The following TNC variants were observed in gnomAD, a reference collection of about 807,000 sequenced individuals.
The protein encoded by TNC is tenascin C, also known as tenascin.
TNC carries 109 observed loss-of-function variants against 202.4 expected under a neutral mutation model. The observed-to-expected ratio is 0.54, with a 90% CI of 0.46 to 0.63. The LOEUF (loss-of-function observed/expected upper bound fraction) is 0.63. Among genes scored for constraint, TNC ranks in the 30% least tolerant of loss-of-function variants. TNC has a pLI of 0.00. For missense variants in TNC, 2,756 were observed against 2,833.3 expected (o/e 0.97, Z 0.62); for synonymous variants, 1,007 against 1,089.7 (o/e 0.92, Z 1.50).
chr9:115,024,147 C>T lies in TNC; in HGVS notation c.6332-11G>A. The T allele has an allele frequency of 6.2e-7, 1 of 1,609,908 alleles. No homozygotes were observed. The highest frequency in any genetic ancestry group is 8.5e-7 in the Non-Finnish European group (1 of 1,176,604). ...AGGCCATGGAGTCACCTGGGAGAGA[C>T]AGAAAATATGGACCTGAGAAATCTC... On this transcript the variant is annotated splice_polypyrimidine_tract_variant and intron_variant, in intron 26 of 27. Transcript: ENST00000350763.
At chr9:115,107,633 TG>T (rs1836718910) in intron 1 of TNC, among the ~76,000 whole-genome samples, 1 of 152,226 alleles carries the variant, frequency 6.6e-6, no homozygotes, top group Non-Finnish European at 1.5e-5. Context: ...TTTCCATGAC[TG>T]GCTTAAGAGG....
At chr9:115,106,740 T>C (rs1412951939) in intron 1 of TNC, among the ~76,000 whole-genome samples, 2 of 152,124 alleles carry the variant, frequency 1.3e-5, no homozygotes, top group Non-Finnish European at 2.9e-5. Context: ...CTATGTACTA[T>C]CTAAAAAACG....
intron 19 of TNC, among the ~76,000 whole-genome samples, chr9:115,039,949 C>G (rs2131917407): frequency 6.6e-6 from 1 of 152,362 alleles, no homozygotes; most frequent in South Asian, 2.1e-4. Flanking sequence ...TCAACTCTTT[C>G]AGGCTATGAG....
intron 1 of TNC, among the ~76,000 whole-genome samples, chr9:115,100,913 A>C (rs1352779616): frequency 6.6e-6 from 1 of 152,200 alleles, no homozygotes; most frequent in Non-Finnish European, 1.5e-5. Context: ...AAAACCTTTA[A>C]AAATGCATAT....
At chr9:115,059,158 T>G (rs948272077) in intron 14 of TNC, among the ~76,000 whole-genome samples, 2 of 152,238 alleles carry the variant, frequency 1.3e-5, no homozygotes, top group Non-Finnish European at 2.9e-5. Flanking sequence ...ATTTGCTAAT[T>G]TGATGTTCTA....
chr9:115,036,346 G>A lies in TNC; in HGVS notation c.5513-105C>T, dbSNP rs147209833. 1,006 of 1,303,766 alleles carry A rather than the reference G, an allele frequency of 7.7e-4. 8 individuals carry two copies. In the African/African-American group the frequency reaches 0.014, roughly 18 times the overall value. The allele number at this position is 1,303,766 out of a possible 1,614,324, so 80.8% of individuals were successfully genotyped here. A position where few individuals can be genotyped will look rare whatever the true frequency, so the allele number is the denominator to read the frequency against. On this transcript the variant is annotated intron_variant, in intron 20 of 27. Transcript: ENST00000350763. ...CCTCCTTCGAACATCGAAACTTTCA[G>A]TGACCCTGCGGAAAAGCAGGTCTGA... is the stretch of plus-strand genomic sequence containing the variant.
intron 12 of TNC, among the ~76,000 whole-genome samples, chr9:115,063,533 A>G (rs1832710407): frequency 6.6e-6 from 1 of 152,084 alleles, no homozygotes; most frequent in Non-Finnish European, 1.5e-5. Flanking sequence ...AACTTTTTAG[A>G]TATTGTGACT....
At position 115,080,190 on chromosome 9, in the gene TNC, A is replaced by G. The variant is rs73656723; in HGVS notation, c.2404+1582T>C. On this transcript the variant is annotated intron_variant, in intron 6 of 27. Transcript: ENST00000350763. ...AATGTTGGAATGTTTGTTCTAAAAT[A>G]AGAAGAAATAAAGCAGACAATTCCC... Among the ~76,000 whole-genome samples the G allele has an allele frequency of 8.9e-3, 1,362 of 152,352 alleles. 20 individuals carry two copies. The highest frequency in any genetic ancestry group is 0.031 in the African/African-American group (1,274 of 41,580).
chr9:115,094,981 G>A (rs997731612), intron 1 of TNC, among the ~76,000 whole-genome samples: 1 of 152,066 alleles, frequency 6.6e-6, no homozygotes, highest in Admixed American at 6.6e-5. Context: ...CAATAGAAAG[G>A]TCTTCTTTGA....
At chr9:115,073,157 G>C (rs758009788) in intron 10 of TNC, among the ~76,000 whole-genome samples, 1 of 152,114 alleles carries the variant, frequency 6.6e-6, no homozygotes, top group Non-Finnish European at 1.5e-5. Flanking sequence ...AATAAAAACA[G>C]TTTGTAGAAA....
At chr9:115,076,667 G>C in intron 7 of TNC, 92 bp from the exon 8 acceptor site, 1 of 1,403,286 alleles carries the variant, frequency 7.1e-7, no homozygotes, top group Non-Finnish European at 9.7e-7. Context: ...AAACGTGCCT[G>C]GAACTGGAGA....
At chr9:115,033,345 C>A (rs1165509356) in intron 22 of TNC, among the ~76,000 whole-genome samples, 1 of 152,106 alleles carries the variant, frequency 6.6e-6, no homozygotes, top group Admixed American at 6.6e-5. Context: ...GGGGAAAGAT[C>A]AACTGTCAGG....
At chr9:115,097,121 G>A (rs1370704770) in intron 1 of TNC, among the ~76,000 whole-genome samples, 1 of 152,194 alleles carries the variant, frequency 6.6e-6, no homozygotes, top group Non-Finnish European at 1.5e-5. Context: ...AGTTGCGTGT[G>A]GGGGAAAGAG....
chr9:115,052,775 T>C (rs541986908), intron 15 of TNC: 1 of 702,450 alleles, frequency 1.4e-6, no homozygotes, highest in Non-Finnish European at 2.6e-6. Context: ...TCTGGTGGGA[T>C]CCCCAGCCAA....
chr9:115,022,708 C>T (rs1829171256), intron 27 of TNC, among the ~76,000 whole-genome samples: 1 of 152,088 alleles, frequency 6.6e-6, no homozygotes, highest in African/African-American at 2.4e-5. Context: ...CACAGGACTG[C>T]TGTCAAGAAA....
chr9:115,076,319 G>A, intron 8 of TNC, 71 bp downstream of exon 8: 2 of 1,549,376 alleles, frequency 1.3e-6, no homozygotes, highest in Non-Finnish European at 1.8e-6. Flanking sequence ...GGGACATGTG[G>A]GAGCAGGTGC....
chr9:115,046,762 G>A (rs949986751), intron 16 of TNC, 80 bp from the exon 17 acceptor site: 2 of 1,513,922 alleles, frequency 1.3e-6, no homozygotes, highest in Non-Finnish European at 1.8e-6. Context: ...TCCAGTAGGG[G>A]TATCAATATG....
rs1407781229 is a variant in TNC at position 115,118,124 on chromosome 9, G to A, written c.-279C>T. The stretch of plus-strand genomic sequence containing the variant: ...GAGGCGGGGGCGTGTATCTGCGCGC[G>A]GGAGAGGCGGGTGACAGTAGGCAGG... On this transcript the variant is annotated 5_prime_UTR_variant, in exon 1 of 28. Transcript: ENST00000350763. 1 of 152,208 alleles carries A rather than the reference G, an allele frequency of 6.6e-6. No individual in the cohort carries two copies. The highest frequency in any genetic ancestry group is 2.4e-5 in the African/African-American group (1 of 41,438). 9.4% of individuals were successfully genotyped at this position (152,208 alleles called of 1,614,324 possible). A position where few individuals can be genotyped will look rare whatever the true frequency, so the allele number is the denominator to read the frequency against.
At chr9:115,092,188 G>T (rs1012468175) in intron 1 of TNC, among the ~76,000 whole-genome samples, 1 of 152,204 alleles carries the variant, frequency 6.6e-6, no homozygotes, top group African/African-American at 2.4e-5. Context: ...AAAAGGAATG[G>T]TCAAGAGAAA....
Sources: allele counts gnomAD v4.1 joint callset (sites outside exome capture counted in the v4.1 genomes callset), GRCh38; gene constraint gnomAD v4.1.1; transcripts MANE v1.5; gene names NCBI Gene and HGNC (gene_info 2026-07-23, HGNC 2026-07-21).